The following NHSL1 variants were observed in gnomAD, a reference collection of about 807,000 sequenced individuals.
The protein encoded by NHSL1 is NHS-like protein 1.
NHSL1 carries 48 observed loss-of-function variants against 95.0 expected under a neutral mutation model. The ratio of observed to expected loss-of-function variants is 0.51; its 90% CI spans 0.40 to 0.64. NHSL1 has a LOEUF of 0.64. Ranked by LOEUF, NHSL1 falls within the 30% of genes least tolerant of loss-of-function variation. The pLI, the probability that NHSL1 is intolerant of heterozygous loss-of-function variation, is 0.00. For missense variants in NHSL1, 1,971 were observed against 2,077.7 expected (o/e 0.95, Z 1.00); for synonymous variants, 783 against 833.9 (o/e 0.94, Z 1.05).
intron 1 of NHSL1, among the ~76,000 whole-genome samples, chr6:138,540,695 C>T (rs1333961591): frequency 6.6e-6 from 1 of 152,188 alleles, no homozygotes; most frequent in Non-Finnish European, 1.5e-5. Context: ...TGAGATTGTT[C>T]ATAGCTGTAA....
rs11154991 is a variant in NHSL1, at chr6:138,680,813, C to T, written c.96+11663G>A. 7.0e-3 allele frequency among the ~76,000 whole-genome samples: 1,071 copies of T among 152,248 alleles called. 7 individuals carry two copies. Among genetic ancestry groups the T allele is most frequent in the Non-Finnish European group, 0.011 (751 of 68,002 alleles). ...TGTATTTAATGTAGAGACGGGCTTTCACCATGTTGCCCAGGCTGGTCTTGA... is the reference window on the plus strand; with the variant it reads ...TGTATTTAATGTAGAGACGGGCTTTTACCATGTTGCCCAGGCTGGTCTTGA... On this transcript the variant is annotated intron_variant, in intron 1 of 3. Transcript: ENST00000491526.
At position 138,523,735 on chromosome 6, in the gene NHSL1, T is replaced by C. The variant is rs114108397; in HGVS notation, c.16+21888A>G. ...TGGTTTTACTGACATGAAATGATTA[T>C]GAATTTGAAGTACTGAAGAAGATGA... On this transcript the variant is annotated intron_variant, in intron 1 of 4. Transcript: ENST00000342260. Among the ~76,000 whole-genome samples, 651 of 151,090 alleles carry C rather than the reference T, an allele frequency of 4.3e-3. 5 individuals carry two copies. The highest frequency in any genetic ancestry group is 0.016 in the African/African-American group (640 of 41,008).
intron 7 of NHSL1, 77 bp downstream of exon 7, chr6:138,429,634 G>A (rs1395858416): frequency 3.0e-6 from 4 of 1,330,562 alleles, no homozygotes; most frequent in Non-Finnish European, 4.0e-6. Flanking sequence ...CCTCAAGGAA[G>A]AAAAGTAAAT....
rs1785685921 is a variant in NHSL1 at position 138,692,179 on chromosome 6, A to G, written c.96+297T>C. 3 of 456,580 alleles carry G rather than the reference A, an allele frequency of 6.6e-6. No homozygotes were observed. Among genetic ancestry groups the G allele is most frequent in the Non-Finnish European group, 1.3e-5 (3 of 226,960 alleles). 28.3% of individuals were successfully genotyped at this position (456,580 alleles called of 1,614,324 possible). ...GTCTACAGCGCCCCGGGGTCTCCCA[A>G]ACAGACAGACACAGACAGACAGAAG... On this transcript the variant is annotated intron_variant, in intron 1 of 3. Coordinates refer to the NHSL1 transcript ENST00000491526. The surrounding 1 kb of genome is among the most constrained non-coding windows in gnomAD (Gnocchi z 4.0).
At chr6:138,545,093 C>G (rs1201027712) in intron 1 of NHSL1, among the ~76,000 whole-genome samples, 4 of 146,524 alleles carry the variant, frequency 2.7e-5, no homozygotes, top group African/African-American at 1.0e-4. Context: ...TGGGTTCAAG[C>G]AATTCTTCTG....
intron 1 of NHSL1, among the ~76,000 whole-genome samples, chr6:138,655,767 A>T (rs953660724): frequency 1.3e-5 from 2 of 152,228 alleles, no homozygotes; most frequent in African/African-American, 4.8e-5. Context: ...ATCCAAATAA[A>T]ATCAACAAAA....
chr6:138,473,240 T>C, intron 3 of NHSL1, 66 bp downstream of exon 3: 2 of 1,293,104 alleles, frequency 1.5e-6, no homozygotes, highest in Non-Finnish European at 2.0e-6. Context: ...TACCAGTTTG[T>C]CCACATATAT....
chr6:138,579,431 G>C (rs998139537), intron 1 of NHSL1, among the ~76,000 whole-genome samples: 1 of 152,116 alleles, frequency 6.6e-6, no homozygotes, highest in Admixed American at 6.5e-5. Context: ...GTATAAACTG[G>C]CAAAAAGTAT....
At chr6:138,447,464 A>G (rs1388111548) in intron 3 of NHSL1, among the ~76,000 whole-genome samples, 2 of 152,058 alleles carry the variant, frequency 1.3e-5, no homozygotes, top group Non-Finnish European at 2.9e-5. Context: ...CTTTCCCTCT[A>G]TCTACTGTGG....
At chr6:138,488,665 C>T (rs965863214) in intron 2 of NHSL1, among the ~76,000 whole-genome samples, 1 of 152,180 alleles carries the variant, frequency 6.6e-6, no homozygotes, top group African/African-American at 2.4e-5. Context: ...GAAGTCACCA[C>T]CTTTAGGCAA....
intron 2 of NHSL1, among the ~76,000 whole-genome samples, chr6:138,495,921 A>C (rs1780324424): frequency 6.6e-6 from 1 of 152,100 alleles, no homozygotes; most frequent in Non-Finnish European, 1.5e-5. Context: ...ATTTCATGAG[A>C]CTCATTCACT....
exon 1 of NHSL1, chr6:138,571,828 G>A (rs1009507693): frequency 6.4e-7 from 1 of 1,552,058 alleles, no homozygotes; most frequent in Non-Finnish European, 8.7e-7. Context: ...ACAAGGAGGA[G>A]AAATTTATCC....
intron 5 of NHSL1, among the ~76,000 whole-genome samples, chr6:138,435,690 T>C (rs1056235801): frequency 1.3e-5 from 2 of 152,134 alleles, no homozygotes; most frequent in South Asian, 2.1e-4. Flanking sequence ...CTTAGCTTTA[T>C]TGTGCATTGC....
intron 3 of NHSL1, among the ~76,000 whole-genome samples, chr6:138,462,714 T>C (rs1298388497): frequency 6.6e-6 from 1 of 152,246 alleles, no homozygotes; most frequent in Non-Finnish European, 1.5e-5. Context: ...CACTTGAGGC[T>C]TGAGGTCATA....
At chr6:138,653,011 A>C (rs974081328) in intron 1 of NHSL1, among the ~76,000 whole-genome samples, 3 of 152,226 alleles carry the variant, frequency 2.0e-5, no homozygotes, top group Non-Finnish European at 2.9e-5. Flanking sequence ...ACTCACAGGG[A>C]GAGGCTGTTG....
At chr6:138,546,766 T>C (rs1782816233), upstream of NHSL1, among the ~76,000 whole-genome samples, 1 of 152,220 alleles carries the variant, frequency 6.6e-6, no homozygotes, top group African/African-American at 2.4e-5. Context: ...GTGGCTGTGA[T>C]CAGATCAGTA....
chr6:138,497,226 C>A (rs998115064), intron 1 of NHSL1, among the ~76,000 whole-genome samples: 1 of 152,106 alleles, frequency 6.6e-6, no homozygotes, highest in Non-Finnish European at 1.5e-5. Flanking sequence ...ATCAGTGGAG[C>A]CCAAAATGAG....
Position 138,430,980 on chromosome 6 carries a change from G to A in NHSL1, c.3365C>T (p.Thr1122Ile), listed in dbSNP as rs1441220301. ...PSAFLKSRNS[T>I]NEMESESQPA... ...CTGGCTTTCACTCTCCATTTCATTT[G>A]TGCTATTTCGGGATTTCAGGAAAGC... The change falls in exon 6 of 8, where the codon ACA (threonine) becomes ATA (isoleucine). Residue 1122 changes from threonine to isoleucine, a missense_variant. Thr to Ile is a moderately conservative substitution (Grantham distance 89). Around this residue, in one of 3 missense-constraint regions of NHSL1, gnomAD observed 1,602 missense variants for 1,654.5 expected, o/e 0.97. Coordinates refer to ENST00000343505, the MANE Select transcript of NHSL1 (RefSeq NM_001144060.2). This position sits in a 1 kb window ranked among gnomAD's most constrained non-coding sequence, Gnocchi z 4.7. 6.4e-7 allele frequency: 1 copy of A among 1,552,094 alleles called. No individual in the cohort carries two copies. The highest frequency in any genetic ancestry group is 8.7e-7 in the Non-Finnish European group (1 of 1,147,080).
chr6:138,638,903 G>A (rs1037193717), intron 1 of NHSL1, among the ~76,000 whole-genome samples: 1 of 152,200 alleles, frequency 6.6e-6, no homozygotes, highest in Non-Finnish European at 1.5e-5. Flanking sequence ...AAGAGTTCTG[G>A]GCTCCCAGAA....
Sources: gnomAD v4.1 joint callset for allele counts (sites outside exome capture counted in the v4.1 genomes callset) on GRCh38, gnomAD v4.1.1 for gene constraint, gnomAD v4.1.1 regional missense constraint, Gnocchi (gnomAD v3.1) non-coding constraint, MANE v1.5 for transcripts, NCBI Gene and HGNC (gene_info 2026-07-23, HGNC 2026-07-21) for gene names.